The following PTPRD variants were observed in gnomAD, a reference collection of about 807,000 sequenced individuals.
PTPRD encodes the protein receptor-type tyrosine-protein phosphatase delta.
A neutral mutation model predicts 214.5 loss-of-function variants in PTPRD; 34 were observed. The observed-to-expected ratio is 0.16, with a 90% CI of 0.12 to 0.21. PTPRD has a LOEUF of 0.21. PTPRD is among the 10% of genes least tolerant of loss of function. The pLI, the probability that PTPRD is intolerant of heterozygous loss-of-function variation, is 1.00. For missense variants in PTPRD, 2,545 were observed against 2,398.7 expected, an observed-to-expected ratio of 1.06 and a Z score of -1.27; for synonymous variants, 1,128 against 845.7, an observed-to-expected ratio of 1.33 and a Z score of -5.79.
intron 8 of PTPRD, among the ~76,000 whole-genome samples, chr9:9,421,444 G>A (rs1038367330): frequency 1.3e-5 from 2 of 151,998 alleles, no homozygotes; most frequent in Non-Finnish European, 2.9e-5. Context: ...AAATATTTCT[G>A]AAAACGAGTT....
intron 7 of PTPRD, among the ~76,000 whole-genome samples, chr9:9,672,593 T>G (rs960316596): frequency 1.3e-5 from 2 of 152,080 alleles, no homozygotes; most frequent in African/African-American, 4.8e-5. Context: ...ATCTGAACAT[T>G]TGTACTTAGC....
chr9:9,659,173 G>A (rs1227050932), intron 7 of PTPRD, among the ~76,000 whole-genome samples: 1 of 152,016 alleles, frequency 6.6e-6, no homozygotes, highest in Non-Finnish European at 1.5e-5. Context: ...TTACAAGTGA[G>A]GTGGAATATC....
At chr9:9,107,436 G>C (rs1377644726) in intron 10 of PTPRD, among the ~76,000 whole-genome samples, 3 of 152,152 alleles carry the variant, frequency 2.0e-5, no homozygotes, top group African/African-American at 7.2e-5. Context: ...CTATAATGTG[G>C]TTGTAGGAAG....
At chr9:8,737,273 G>C (rs1412814666) in intron 11 of PTPRD, among the ~76,000 whole-genome samples, 4 of 152,166 alleles carry the variant, frequency 2.6e-5, no homozygotes, top group Admixed American at 1.3e-4. Flanking sequence ...GCCCAAAGGA[G>C]GTCAGAGGTG....
intron 14 of PTPRD, among the ~76,000 whole-genome samples, chr9:8,532,040 G>C (rs1315012992): frequency 6.6e-6 from 1 of 151,956 alleles, no homozygotes; most frequent in Non-Finnish European, 1.5e-5. Flanking sequence ...ATACTAATGG[G>C]ACAGAAAATG....
intron 9 of PTPRD, among the ~76,000 whole-genome samples, chr9:9,319,727 T>C (rs756724698): frequency 1.8e-4 from 28 of 152,170 alleles, no homozygotes; most frequent in Non-Finnish European, 1.2e-4. Flanking sequence ...CTTTAGCCTA[T>C]AGTCATCAAA....
chr9:8,323,008 A>C (rs1371539951), intron 44 of PTPRD, among the ~76,000 whole-genome samples: 1 of 152,180 alleles, frequency 6.6e-6, no homozygotes, highest in Admixed American at 6.6e-5. Context: ...AAAAGCTTGA[A>C]AAAATTAAGT....
At chr9:8,716,809 G>A (rs1198691195) in intron 12 of PTPRD, among the ~76,000 whole-genome samples, 1 of 152,124 alleles carries the variant, frequency 6.6e-6, no homozygotes, top group Non-Finnish European at 1.5e-5. Flanking sequence ...TACTCTCCTG[G>A]TCACTGGCTG....
intron 11 of PTPRD, among the ~76,000 whole-genome samples, chr9:8,939,286 C>T (rs372284050): frequency 1.3e-5 from 2 of 152,164 alleles, no homozygotes; most frequent in South Asian, 2.1e-4. Flanking sequence ...TTCTGAATTG[C>T]TTGCAAGGAA....
chr9:10,602,282 T>C (rs1312947778), intron 2 of PTPRD, among the ~76,000 whole-genome samples: 1 of 151,882 alleles, frequency 6.6e-6, no homozygotes, highest in African/African-American at 2.4e-5. Context: ...ACATAACATT[T>C]CTGATAATTT....
At chr9:8,929,407 G>C (rs938780222) in intron 11 of PTPRD, among the ~76,000 whole-genome samples, 2 of 151,968 alleles carry the variant, frequency 1.3e-5, no homozygotes, top group African/African-American at 4.8e-5. Flanking sequence ...AAGTTGTGTT[G>C]AATTTTATCA....
intron 7 of PTPRD, among the ~76,000 whole-genome samples, chr9:9,609,197 T>G (rs2094372762): frequency 6.6e-6 from 1 of 152,114 alleles, no homozygotes; most frequent in South Asian, 2.1e-4. Flanking sequence ...TAAGTGAAAA[T>G]TTTAAAAGCC....
chr9:8,738,119 C>T (rs7872444), intron 11 of PTPRD, among the ~76,000 whole-genome samples: 12,504 of 152,194 alleles, frequency 0.082, 1,400 homozygotes, highest in African/African-American at 0.26. Flanking sequence ...ATATCAGCTT[C>T]TGTATATCTG....
intron 3 of PTPRD, among the ~76,000 whole-genome samples, chr9:10,308,684 A>T (rs1438234076): frequency 3.3e-5 from 5 of 152,020 alleles, no homozygotes; most frequent in Non-Finnish European, 7.4e-5. Flanking sequence ...ACATTGTCTG[A>T]TTCATTATCA....
intron 7 of PTPRD, among the ~76,000 whole-genome samples, chr9:9,592,048 A>G (rs987319989): frequency 6.6e-6 from 1 of 152,058 alleles, no homozygotes; most frequent in African/African-American, 2.4e-5. Flanking sequence ...ATAACTTTAA[A>G]TATTTGAAGT....
At chr9:10,531,694 T>C (rs2056392532) in intron 2 of PTPRD, among the ~76,000 whole-genome samples, 1 of 152,306 alleles carries the variant, frequency 6.6e-6, no homozygotes, top group African/African-American at 2.4e-5. Flanking sequence ...ATTTTGTGTC[T>C]TTCTACATGC....
chr9:9,227,566 T>G (rs956459192), intron 9 of PTPRD, among the ~76,000 whole-genome samples: 1 of 152,136 alleles, frequency 6.6e-6, no homozygotes, highest in Non-Finnish European at 1.5e-5. Context: ...TGAACTTAGG[T>G]ACTTGCTTCT....
chr9:8,813,806 G>A (rs368058130), intron 11 of PTPRD, among the ~76,000 whole-genome samples: 15 of 152,326 alleles, frequency 9.8e-5, no homozygotes, highest in East Asian at 5.8e-4. Flanking sequence ...CAGTTCTGCT[G>A]TCTAATATCA....
At chr9:9,725,912 A>G (rs942928522) in intron 7 of PTPRD, among the ~76,000 whole-genome samples, 1 of 152,122 alleles carries the variant, frequency 6.6e-6, no homozygotes, top group Non-Finnish European at 1.5e-5. Context: ...TCCCAGCAGT[A>G]CGCATTGTTT....
Sources: gnomAD v4.1 joint callset for allele counts (sites outside exome capture counted in the v4.1 genomes callset) on GRCh38, gnomAD v4.1.1 for gene constraint, MANE v1.5 for transcripts, NCBI Gene and HGNC (gene_info 2026-07-23, HGNC 2026-07-21) for gene names.